DPH6: variants seen among roughly 807,000 people sequenced by gnomAD.
The protein encoded by DPH6 is diphthamine biosynthesis 6.
A neutral mutation model predicts 38.2 loss-of-function variants in DPH6; 33 were observed. The ratio of observed to expected loss-of-function variants is 0.86; its 90% CI spans 0.65 to 1.15. The LOEUF (loss-of-function observed/expected upper bound fraction) is 1.15, where lower values mean the gene tolerates loss of function less well. Among genes scored for constraint, DPH6 ranks in the 50% most tolerant of loss-of-function variants. DPH6 has a pLI of 0.00. For missense variants in DPH6, 325 were observed against 320.0 expected (o/e 1.02, Z -0.12); for synonymous variants, 108 against 103.0 (o/e 1.05, Z -0.30).
At chr15:35,346,008 T>C (rs975779882) in intron 3 of DPH6, among the ~76,000 whole-genome samples, 9 of 151,952 alleles carry the variant, frequency 5.9e-5, no homozygotes, top group African/African-American at 2.2e-4. Context: ...CTTCACAGAG[T>C]GTAGGCTATA....
chr15:35,353,756 G>T (rs1397430334), intron 3 of DPH6, among the ~76,000 whole-genome samples: 1 of 152,078 alleles, frequency 6.6e-6, no homozygotes, highest in Non-Finnish European at 1.5e-5. Context: ...TTGACTTGGT[G>T]ATGCAGGCTC....
At chr15:35,281,493 G>T (rs2051899160) in intron 3 of DPH6, among the ~76,000 whole-genome samples, 1 of 152,088 alleles carries the variant, frequency 6.6e-6, no homozygotes, top group Non-Finnish European at 1.5e-5. Context: ...TGAAGAAAAT[G>T]ACCAAAAGGA....
intron 3 of DPH6, among the ~76,000 whole-genome samples, chr15:35,315,247 C>A (rs73393348): frequency 0.024 from 3,673 of 152,288 alleles, 63 homozygotes; most frequent in African/African-American, 0.051. Context: ...CTTTAAACAT[C>A]TTGACAACCT....
intron 5 of DPH6, among the ~76,000 whole-genome samples, chr15:35,436,721 TC>T (rs2053720516): frequency 6.6e-6 from 1 of 150,814 alleles, no homozygotes; most frequent in Non-Finnish European, 1.5e-5. Context: ...TTTTTCTCCA[TC>T]CTGTCTCAGT....
chr15:35,543,329 T>C (rs989009527), intron 1 of DPH6, among the ~76,000 whole-genome samples: 2 of 146,086 alleles, frequency 1.4e-5, no homozygotes, highest in Admixed American at 1.4e-4. Context: ...AGGCTTGAGC[T>C]ATAAATGTAG....
At chr15:35,321,422 T>C (rs2052239499) in intron 3 of DPH6, among the ~76,000 whole-genome samples, 1 of 152,242 alleles carries the variant, frequency 6.6e-6, no homozygotes, top group East Asian at 1.9e-4. Flanking sequence ...TTCATCTAGA[T>C]ATAGTTCAAA....
intron 5 of DPH6, among the ~76,000 whole-genome samples, chr15:35,419,161 A>T (rs567901702): frequency 6.6e-6 from 1 of 152,124 alleles, no homozygotes; most frequent in Non-Finnish European, 1.5e-5. Flanking sequence ...TACCATTTTT[A>T]AAACTCGAAT....
rs1228135517 is a variant in DPH6, at chr15:35,490,142, T to C, written c.313-35322A>G. On this transcript the variant is annotated intron_variant, in intron 3 of 8. Coordinates refer to ENST00000256538, the MANE Select transcript of DPH6 (RefSeq NM_080650.4). ...ACTGCACTTCAATCATTGGGTTAAT[T>C]TGTACTTCACTTACACAGTAAAGTC... The C allele has an allele frequency of 6.1e-6, 6 of 985,272 alleles. No individual in the cohort carries two copies. In the South Asian group the frequency reaches 1.4e-4, roughly 23 times the overall value. 61.0% of individuals were successfully genotyped at this position (985,272 alleles called of 1,614,324 possible).
chr15:35,404,232 G>T (rs2053260127), intron 6 of DPH6, among the ~76,000 whole-genome samples: 1 of 151,946 alleles, frequency 6.6e-6, no homozygotes, highest in African/African-American at 2.4e-5. Context: ...CTTTCTTTTG[G>T]GTATATATCT....
intron 3 of DPH6, among the ~76,000 whole-genome samples, chr15:35,224,956 C>T (rs2051470385): frequency 1.3e-5 from 2 of 152,228 alleles, no homozygotes; most frequent in South Asian, 4.1e-4. Flanking sequence ...GATACACTGT[C>T]AGTCACTAAA....
intron 5 of DPH6, among the ~76,000 whole-genome samples, chr15:35,443,522 T>C (rs992828247): frequency 5.3e-5 from 8 of 152,006 alleles, no homozygotes; most frequent in African/African-American, 1.7e-4. Flanking sequence ...CTTCTGAGAG[T>C]TTCCTTGGAA....
At chr15:35,416,127 C>T (rs1293672954) in intron 5 of DPH6, among the ~76,000 whole-genome samples, 5 of 151,980 alleles carry the variant, frequency 3.3e-5, no homozygotes, top group East Asian at 3.9e-4. Flanking sequence ...CTCACACTAA[C>T]GATAGCTGAT....
intron 6 of DPH6, 75 bp from the exon 7 acceptor site, chr15:35,381,991 T>A: frequency 9.5e-7 from 1 of 1,048,642 alleles, no homozygotes; most frequent in Non-Finnish European, 1.4e-6. Context: ...TATCTGGTAC[T>A]AAAAAATCCA....
intron 4 of DPH6, among the ~76,000 whole-genome samples, chr15:35,454,341 AGAG>A (rs1688844907): frequency 6.6e-6 from 1 of 152,174 alleles, no homozygotes; most frequent in African/African-American, 2.4e-5. Context: ...TATGAACCAA[AGAG>A]GAGAGGACTC....
At chr15:35,486,519 A>G (rs982876607) in intron 3 of DPH6, among the ~76,000 whole-genome samples, 2 of 151,968 alleles carry the variant, frequency 1.3e-5, no homozygotes, top group Non-Finnish European at 1.5e-5. Context: ...ACACTTTTAA[A>G]TCATCAGATC....
chr15:35,431,663 T>C (rs2053633655), intron 5 of DPH6, among the ~76,000 whole-genome samples: 1 of 151,986 alleles, frequency 6.6e-6, no homozygotes, highest in Admixed American at 6.6e-5. Context: ...AAGAAAGAAA[T>C]ATAATGGGGA....
intron 3 of DPH6, among the ~76,000 whole-genome samples, chr15:35,324,103 C>T (rs1037140735): frequency 6.6e-6 from 1 of 152,100 alleles, no homozygotes; most frequent in South Asian, 2.1e-4. Flanking sequence ...GCTTCATCAT[C>T]TGCAAAATGG....
At chr15:35,194,369 C>CAGAGAGAGAGAGAGAG in the DPH6 span, among the ~76,000 whole-genome samples, 3,283 of 144,574 alleles carry the variant, frequency 0.023, 43 homozygotes, top group Middle Eastern at 0.029. Flanking sequence ...TTCCTTTTTC[C>CAGAGAGAGAGAGAGAG]AGAGAGAGAG....
chr15:35,348,458 C>T (rs73376738), intron 3 of DPH6, among the ~76,000 whole-genome samples: 4,560 of 152,168 alleles, frequency 0.03, 231 homozygotes, highest in African/African-American at 0.1. Flanking sequence ...TGACCATATA[C>T]ATAAAGATTT....
Sources: allele counts gnomAD v4.1 joint callset (sites outside exome capture counted in the v4.1 genomes callset), GRCh38; gene constraint gnomAD v4.1.1; transcripts MANE v1.5; gene names NCBI Gene and HGNC (gene_info 2026-07-23, HGNC 2026-07-21).